The following NTRK3 variants were observed in gnomAD, a reference collection of about 807,000 sequenced individuals.
The protein encoded by NTRK3 is NT-3 growth factor receptor.
NTRK3 carries 24 observed loss-of-function variants against 91.7 expected under a neutral mutation model. The ratio of observed to expected loss-of-function variants is 0.26; its 90% CI spans 0.19 to 0.37. The LOEUF (loss-of-function observed/expected upper bound fraction) is 0.37, where lower values mean the gene tolerates loss of function less well. Among genes scored for constraint, NTRK3 ranks in the 10% least tolerant of loss-of-function variants. NTRK3 has a pLI of 1.00. For missense variants in NTRK3, 880 were observed against 1,068.9 expected (o/e 0.82, Z 2.46); for synonymous variants, 483 against 404.0 (o/e 1.20, Z -2.34).
intron 13 of NTRK3, among the ~76,000 whole-genome samples, chr15:88,094,337 C>T (rs1228664349): frequency 4.0e-5 from 6 of 151,706 alleles, no homozygotes; most frequent in Non-Finnish European, 7.4e-5. Context: ...GGCGCGGTGG[C>T]GGGCGCCTGT....
At chr15:87,952,104 G>A (rs768762881) in intron 14 of NTRK3, among the ~76,000 whole-genome samples, 2 of 151,024 alleles carry the variant, frequency 1.3e-5, no homozygotes, top group Non-Finnish European at 2.9e-5. Flanking sequence ...TCCAGGCTGG[G>A]CAACAGAGCA....
intron 13 of NTRK3, among the ~76,000 whole-genome samples, chr15:88,114,327 A>G (rs1425029169): frequency 6.6e-6 from 1 of 152,220 alleles, no homozygotes; most frequent in Non-Finnish European, 1.5e-5. Context: ...CCACCACCCA[A>G]AGATAACTAC....
intron 3 of NTRK3, among the ~76,000 whole-genome samples, chr15:88,200,280 T>C (rs1340271571): frequency 6.6e-6 from 1 of 152,244 alleles, no homozygotes; most frequent in East Asian, 1.9e-4. Flanking sequence ...GTCAGGCTGA[T>C]TTATCCAGGC....
At chr15:87,947,423 T>A (rs2070673078) in intron 14 of NTRK3, among the ~76,000 whole-genome samples, 1 of 152,150 alleles carries the variant, frequency 6.6e-6, no homozygotes, top group Non-Finnish European at 1.5e-5. Context: ...CAGTACTTGG[T>A]AGAAACCAAT....
At chr15:88,085,432 A>G (rs2048410103) in intron 13 of NTRK3, among the ~76,000 whole-genome samples, 1 of 152,202 alleles carries the variant, frequency 6.6e-6, no homozygotes, top group African/African-American at 2.4e-5. Flanking sequence ...ATCAGCTTGC[A>G]TGCCTACCAT....
chr15:88,113,458 G>T (rs2051673497), intron 13 of NTRK3, among the ~76,000 whole-genome samples: 1 of 151,678 alleles, frequency 6.6e-6, no homozygotes, highest in Non-Finnish European at 1.5e-5. Flanking sequence ...TGGGATTAAA[G>T]GTGCACACGA....
At chr15:87,983,780 T>C (rs985641742) in intron 14 of NTRK3, among the ~76,000 whole-genome samples, 1 of 152,120 alleles carries the variant, frequency 6.6e-6, no homozygotes, top group African/African-American at 2.4e-5. Flanking sequence ...ATAGTGATGG[T>C]AAGGACGTTC....
intron 3 of NTRK3, among the ~76,000 whole-genome samples, chr15:88,252,158 C>T (rs569737589): frequency 6.6e-6 from 1 of 152,256 alleles, no homozygotes; most frequent in South Asian, 2.1e-4. Context: ...CACATTTCTG[C>T]CCACCTCTCT....
intron 17 of NTRK3, among the ~76,000 whole-genome samples, chr15:87,900,717 G>GTGTT (rs2066400264): frequency 6.6e-6 from 1 of 151,680 alleles, no homozygotes; most frequent in African/African-American, 2.4e-5. Flanking sequence ...GTGTGTGTGT[G>GTGTT]TGTGTGTGTG....
chr15:88,097,388 C>G (rs775927413), intron 13 of NTRK3, among the ~76,000 whole-genome samples: 1 of 152,146 alleles, frequency 6.6e-6, no homozygotes, highest in Non-Finnish European at 1.5e-5. Flanking sequence ...CCTAGAGTGA[C>G]AGGAACGCAC....
rs1420174850 is a variant in NTRK3 at position 88,101,705 on chromosome 15, G to A, written c.1396+24566C>T. ...TGCAGCCATAAAAAATGATGAGTTCGTGTCCTTTGTAGGAACATGGATGAA... is the reference window on the plus strand; with the variant it reads ...TGCAGCCATAAAAAATGATGAGTTCATGTCCTTTGTAGGAACATGGATGAA... On this transcript the variant is annotated intron_variant, in intron 13 of 18. Coordinates refer to ENST00000394480, the Ensembl canonical transcript of NTRK3. 8.5e-5 allele frequency among the ~76,000 whole-genome samples: 13 copies of A among 152,126 alleles called. 1 individual carries two copies. The highest frequency in any genetic ancestry group is 5.2e-4 in the Admixed American group (8 of 15,278).
At chr15:88,213,954 C>G (rs1251182485) in intron 3 of NTRK3, among the ~76,000 whole-genome samples, 1 of 152,102 alleles carries the variant, frequency 6.6e-6, no homozygotes, top group Admixed American at 6.6e-5. Context: ...TGGCACATGT[C>G]TGTAGTCCCA....
chr15:87,869,213 C>G (rs932643268), exon 19 of NTRK3: 10 of 229,662 alleles, frequency 4.4e-5, no homozygotes, highest in Non-Finnish European at 7.8e-5. Context: ...AGGGTCAGAT[C>G]TCAGCCACGG....
At chr15:88,144,453 G>GT (rs959536522) in intron 6 of NTRK3, among the ~76,000 whole-genome samples, 18 of 151,150 alleles carry the variant, frequency 1.2e-4, no homozygotes, top group South Asian at 2.1e-4. Context: ...TAACTTGTTT[G>GT]TTTTTTTTTC....
chr15:88,092,221 A>G (rs2049081052), intron 13 of NTRK3, among the ~76,000 whole-genome samples: 1 of 152,186 alleles, frequency 6.6e-6, no homozygotes, highest in Non-Finnish European at 1.5e-5. Flanking sequence ...ATGAAATATG[A>G]TGGCTATCTC....
intron 17 of NTRK3, among the ~76,000 whole-genome samples, chr15:87,899,785 A>G (rs190184889): frequency 6.6e-6 from 1 of 152,282 alleles, no homozygotes; most frequent in East Asian, 1.9e-4. Context: ...AGAATATACA[A>G]GTCCTTCGCA....
chr15:87,939,816 T>C (rs1021303022), intron 15 of NTRK3, among the ~76,000 whole-genome samples: 7 of 152,202 alleles, frequency 4.6e-5, no homozygotes, highest in Admixed American at 2.0e-4. Context: ...CTTGACTCTT[T>C]TTATGTTAAC....
chr15:88,225,793 C>A (rs1290454856), intron 3 of NTRK3, among the ~76,000 whole-genome samples: 1 of 152,156 alleles, frequency 6.6e-6, no homozygotes, highest in Admixed American at 6.5e-5. Flanking sequence ...CCACACCTCA[C>A]GGCAGGCAGG....
Position 88,234,042 on chromosome 15 carries a change from C to A in NTRK3, c.248+21864G>T, listed in dbSNP as rs2051455414. Reference sequence around the variant, plus strand: ...TGGAGTCCCTTTCTGCCACCATGCACCTCGATGCCTCTCGGGTGGGACCAA... The same window carrying A: ...TGGAGTCCCTTTCTGCCACCATGCAACTCGATGCCTCTCGGGTGGGACCAA... On this transcript the variant is annotated intron_variant, in intron 3 of 18. Coordinates refer to ENST00000394480, the Ensembl canonical transcript of NTRK3. This position sits in a 1 kb window ranked among gnomAD's most constrained non-coding sequence, Gnocchi z 6.1. Among the ~76,000 whole-genome samples the A allele has an allele frequency of 6.6e-6, 1 of 152,166 alleles. No homozygotes were observed. Among genetic ancestry groups the A allele is most frequent in the Non-Finnish European group, 1.5e-5 (1 of 68,028 alleles).
Sources: gnomAD v4.1 joint callset for allele counts (sites outside exome capture counted in the v4.1 genomes callset) on GRCh38, gnomAD v4.1.1 for gene constraint, Gnocchi (gnomAD v3.1) non-coding constraint, MANE v1.5 for transcripts, NCBI Gene and HGNC (gene_info 2026-07-23, HGNC 2026-07-21) for gene names.